MCCC1: variants seen among roughly 807,000 people sequenced by gnomAD.
MCCC1 encodes the protein methylcrotonyl-CoA carboxylase subunit 1.
In MCCC1, 64 loss-of-function variants were observed where a neutral mutation model predicts 83.8. That is an observed-to-expected ratio of 0.76 (90% CI 0.62 to 0.94). The LOEUF (loss-of-function observed/expected upper bound fraction) is 0.94, where lower values mean the gene tolerates loss of function less well. MCCC1 is among the 40% of genes least tolerant of loss of function. MCCC1 has a pLI of 0.00. For synonymous variants in MCCC1, 322 were observed against 315.4 expected, an observed-to-expected ratio of 1.02 and a Z score of -0.22; for missense variants, 807 against 904.7, an observed-to-expected ratio of 0.89 and a Z score of 1.39.
chr3:183,027,264 CCT>C (rs1343360868), intron 14 of MCCC1, among the ~76,000 whole-genome samples: 2 of 152,100 alleles, frequency 1.3e-5, no homozygotes, highest in Admixed American at 6.5e-5. Flanking sequence ...CTCCCTATTC[CCT>C]GAGGCAATAC....
intron 9 of MCCC1, among the ~76,000 whole-genome samples, chr3:183,047,464 G>A (rs1201386451): frequency 1.3e-5 from 2 of 151,938 alleles, no homozygotes; most frequent in Non-Finnish European, 2.9e-5. Flanking sequence ...ATACTAAAAG[G>A]CAAAAAACAC....
Position 183,041,867 on chromosome 3 carries a change from C to A in MCCC1, c.1084-117G>T, listed in dbSNP as rs1714118227. 3.4e-6 allele frequency: 4 copies of A among 1,162,352 alleles called. No individual in the cohort carries two copies. In the Admixed American group the frequency reaches 5.5e-5, roughly 16 times the overall value. The allele number at this position is 1,162,352 out of a possible 1,614,324, so 72.0% of individuals were successfully genotyped here. ...TGTACATTTAGGTTTTGCAATGCAG[C>A]CAAATAAAAACTATTATTTTGTCTA... On this transcript the variant is annotated intron_variant, in intron 10 of 18. Coordinates refer to ENST00000265594, the MANE Select transcript of MCCC1 (RefSeq NM_020166.5).
upstream of MCCC1, among the ~76,000 whole-genome samples, chr3:183,101,024 G>A (rs560304487): frequency 0.014 from 2,183 of 152,324 alleles, 22 homozygotes; most frequent in Non-Finnish European, 0.019. Context: ...CCGGGCAATG[G>A]GGGACTTAGC....
chr3:183,024,480 G>A (rs542794412), intron 15 of MCCC1, among the ~76,000 whole-genome samples: 5 of 152,068 alleles, frequency 3.3e-5, no homozygotes, highest in African/African-American at 1.2e-4. Flanking sequence ...CAGAGGACTC[G>A]AATAGAGATT....
intron 4 of MCCC1, among the ~76,000 whole-genome samples, chr3:183,082,078 T>C (rs1717550325): frequency 6.6e-6 from 1 of 152,170 alleles, no homozygotes; most frequent in Non-Finnish European, 1.5e-5. Flanking sequence ...AAGAAAACCA[T>C]ATTCACCTGC....
chr3:183,091,724 CCAGT>C (rs139674811), intron 3 of MCCC1, among the ~76,000 whole-genome samples: 73,193 of 151,722 alleles, frequency 0.48, 21,835 homozygotes, highest in Non-Finnish European at 0.66. Flanking sequence ...GATCACTCAG[CCAGT>C]AAGTAGCAGG....
At chr3:183,030,710 T>A (rs1273018494) in intron 14 of MCCC1, among the ~76,000 whole-genome samples, 1 of 151,706 alleles carries the variant, frequency 6.6e-6, no homozygotes, top group African/African-American at 2.4e-5. Context: ...CTTCTCAACA[T>A]ACACACTTCC....
rs796404536 is a variant in MCCC1, at chr3:183,064,861, G to A, written c.761+6138C>T. On this transcript the variant is annotated intron_variant, in intron 7 of 18. Transcript: ENST00000265594. This position sits in a 1 kb window ranked among gnomAD's most constrained non-coding sequence, Gnocchi z 4.5. The stretch of plus-strand genomic sequence containing the variant: ...CCACCTGAACTTTTTATTTAGTGTC[G>A]GTTGCAATGGGCGGGTCTTTCTCTG... Among the ~76,000 whole-genome samples the A allele has an allele frequency of 1.3e-5, 2 of 152,066 alleles. No individual in the cohort carries two copies. Among genetic ancestry groups the A allele is most frequent in the African/African-American group, 4.8e-5 (2 of 41,482 alleles).
chr3:183,082,114 G>T (rs1047727939), intron 4 of MCCC1, among the ~76,000 whole-genome samples: 45 of 152,288 alleles, frequency 3.0e-4, no homozygotes, highest in African/African-American at 1.0e-3. Context: ...TGTTCTTTCT[G>T]CTCATCCACA....
chr3:183,081,685 A>G (rs1252143992), intron 4 of MCCC1, among the ~76,000 whole-genome samples: 1 of 152,214 alleles, frequency 6.6e-6, no homozygotes, highest in Admixed American at 6.5e-5. Flanking sequence ...CACATACTGC[A>G]CTTGTTATAT....
chr3:183,106,878 C>T (rs1719415387), intron 1 of MCCC1, among the ~76,000 whole-genome samples: 1 of 152,138 alleles, frequency 6.6e-6, no homozygotes, highest in Non-Finnish European at 1.5e-5. Flanking sequence ...TATGTGTACA[C>T]ACACACACTC....
chr3:183,081,361 G>GT (rs550765689), intron 4 of MCCC1, among the ~76,000 whole-genome samples: 165 of 152,242 alleles, frequency 1.1e-3, no homozygotes, highest in Non-Finnish European at 1.8e-3. Flanking sequence ...CAGAAAACTA[G>GT]TATCTCTTGT....
Position 183,022,568 on chromosome 3 carries a change from A to G in MCCC1, c.1732-14T>C. 6.3e-7 allele frequency: 1 copy of G among 1,596,810 alleles called. No individual in the cohort carries two copies. Among genetic ancestry groups the G allele is most frequent in the Non-Finnish European group, 8.6e-7 (1 of 1,165,818 alleles). ...TTTATCTTCAATCTGAAAAAAATGA[A>G]AAATAAGATTTTTAAAATAAATGAA... On this transcript the variant is annotated splice_polypyrimidine_tract_variant and intron_variant, in intron 15 of 18. Transcript: ENST00000265594.
intron 2 of MCCC1, among the ~76,000 whole-genome samples, chr3:183,093,103 A>G (rs1424643102): frequency 6.6e-6 from 1 of 152,126 alleles, no homozygotes; most frequent in Non-Finnish European, 1.5e-5. Flanking sequence ...CACATTGGCC[A>G]GGCTGGTCTC....
At position 183,032,873 on chromosome 3, in the gene MCCC1, CAAAAAAA is replaced by C. The variant is rs374480916; in HGVS notation, c.1681+1111_1681+1117del. 6.9e-5 allele frequency among the ~76,000 whole-genome samples: 8 copies of C among 115,528 alleles called. No homozygotes were observed. The East Asian group carries it at 1.8e-3, about 26-fold the overall frequency. 75.8% of individuals were successfully genotyped at this position (115,528 alleles called of 152,430 possible). ...TGGGCAACAGAGCCAGAGTCTGTGT[CAAAAAAA>C]AAAAAAAAAAAATTTGTTACTGGGT... is the stretch of plus-strand genomic sequence containing the variant. On this transcript the variant is annotated intron_variant, in intron 14 of 18. Transcript: ENST00000265594.
At chr3:183,050,705 CAAAAAAAAA>C (rs746973567) in intron 9 of MCCC1, among the ~76,000 whole-genome samples, 1 of 43,656 alleles carries the variant, frequency 2.3e-5, no homozygotes, top group Admixed American at 2.3e-4. Context: ...GACTCTGTCT[CAAAAAAAAA>C]AAAAAAAAAA....
At chr3:183,018,095 A>G (rs879511136) in intron 17 of MCCC1, among the ~76,000 whole-genome samples, 9 of 92,866 alleles carry the variant, frequency 9.7e-5, no homozygotes, top group African/African-American at 4.1e-4. Context: ...CTCGTCAAAT[A>G]AGAGGCCTAC....
intron 14 of MCCC1, among the ~76,000 whole-genome samples, chr3:183,028,192 T>A (rs1238577967): frequency 6.6e-6 from 1 of 152,216 alleles, no homozygotes; most frequent in African/African-American, 2.4e-5. Context: ...CTGTGCCCTA[T>A]AAATGGAACA....
intron 8 of MCCC1, among the ~76,000 whole-genome samples, chr3:183,054,124 C>T (rs375701486): frequency 8.0e-5 from 12 of 150,798 alleles, no homozygotes; most frequent in South Asian, 2.1e-4. Flanking sequence ...TCAAGTGATC[C>T]GCCCGTCTCA....
Sources: allele counts gnomAD v4.1 joint callset (sites outside exome capture counted in the v4.1 genomes callset), GRCh38; gene constraint gnomAD v4.1.1; non-coding constraint Gnocchi (gnomAD v3.1); transcripts MANE v1.5; gene names NCBI Gene and HGNC (gene_info 2026-07-23, HGNC 2026-07-21).